Variants in HMCN2 observed in about 807,000 individuals in gnomAD.
The protein encoded by HMCN2 is hemicentin 2.
HMCN2 carries 325 observed loss-of-function variants against 377.5 expected under a neutral mutation model. The ratio of observed to expected loss-of-function variants is 0.86; its 90% CI spans 0.79 to 0.94. The LOEUF is 0.94. Among genes scored for constraint, HMCN2 ranks in the 40% least tolerant of loss-of-function variants. The pLI, the probability that HMCN2 is intolerant of heterozygous loss-of-function variation, is 0.00. For missense variants in HMCN2, 4,543 were observed against 4,725.3 expected (o/e 0.96, Z 1.13); for synonymous variants, 2,007 against 2,046.8 (o/e 0.98, Z 0.53).
At chr9:130,286,968 G>A (rs1450298581) in intron 4 of HMCN2, among the ~76,000 whole-genome samples, 5 of 152,100 alleles carry the variant, frequency 3.3e-5, no homozygotes, top group African/African-American at 7.2e-5. Flanking sequence ...ACTCCCGTCC[G>A]CTCCCAGGAG....
At chr9:130,372,719 A>G (rs1841092122) in intron 47 of HMCN2, among the ~76,000 whole-genome samples, 1 of 152,238 alleles carries the variant, frequency 6.6e-6, no homozygotes, top group Non-Finnish European at 1.5e-5. Flanking sequence ...CCAGGTGACA[A>G]GAAACCTCTG....
chr9:130,394,288 G>A lies in HMCN2; in HGVS notation c.10502-97G>A. The A allele has an allele frequency of 1.3e-6, 1 of 788,766 alleles. No homozygotes were observed. Among genetic ancestry groups the A allele is most frequent in the Non-Finnish European group, 1.8e-6 (1 of 564,590 alleles). The allele number at this position is 788,766 out of a possible 1,614,324, so 48.9% of individuals were successfully genotyped here. On this transcript the variant is annotated intron_variant, in intron 68 of 97. Coordinates refer to ENST00000683500, the MANE Select transcript of HMCN2 (RefSeq NM_001291815.2). This position sits in a 1 kb window ranked among gnomAD's most constrained non-coding sequence, Gnocchi z 5.1. ...GCAAGAACAAGGGCCACCAAAATGT[G>A]GGAGCAGAGCCCCTGGACTCAGCAC...
intron 74 of HMCN2, among the ~76,000 whole-genome samples, chr9:130,397,860 C>A (rs1040314593): frequency 1.3e-5 from 2 of 151,904 alleles, no homozygotes; most frequent in Admixed American, 6.6e-5. Context: ...AACAGAACAG[C>A]GATTCGATTA....
chr9:130,390,019 C>T (rs1315414381), intron 62 of HMCN2, among the ~76,000 whole-genome samples: 5 of 152,232 alleles, frequency 3.3e-5, no homozygotes, highest in Non-Finnish European at 7.3e-5. Context: ...GGCTGAGATG[C>T]TCAGTGCTGC....
intron 77 of HMCN2, among the ~76,000 whole-genome samples, chr9:130,401,815 T>C (rs963691907): frequency 6.6e-6 from 1 of 151,988 alleles, no homozygotes; most frequent in African/African-American, 2.4e-5. Context: ...GACTCACGCC[T>C]GTAATTCCAG....
chr9:130,345,122 GGT>G (rs1251572200), intron 25 of HMCN2, among the ~76,000 whole-genome samples: 2 of 146,272 alleles, frequency 1.4e-5, no homozygotes, highest in Non-Finnish European at 3.0e-5. Flanking sequence ...TATTGTGTGT[GGT>G]GTGTGGTGTG....
rs555186455 is a variant in HMCN2 at position 130,429,935 on chromosome 9, C to G, written c.14326+250C>G. ...CCTCAGCCTGACCCTGTGGGGTCATCTTCCGGGGAATTTCAGGAGGGGGAG... is the reference window on the plus strand; with the variant it reads ...CCTCAGCCTGACCCTGTGGGGTCATGTTCCGGGGAATTTCAGGAGGGGGAG... On this transcript the variant is annotated intron_variant, in intron 94 of 97. Transcript: ENST00000683500. 1.6e-5 allele frequency: 11 copies of G among 681,864 alleles called. No individual in the cohort carries two copies. The South Asian group carries it at 2.3e-4, about 15-fold the overall frequency. The allele number at this position is 681,864 out of a possible 1,614,324, so 42.2% of individuals were successfully genotyped here.
Position 130,384,693 on chromosome 9 carries a change from A to G in HMCN2, c.9001A>G (p.Thr3001Ala). Residue 3001 changes from threonine (T) to alanine (A), a missense_variant, in exon 59 of 98, where the codon ACG (threonine) becomes GCG (alanine). By Grantham distance (58) the Thr-to-Ala change is moderately conservative. Coordinates refer to ENST00000683500, the MANE Select transcript of HMCN2 (RefSeq NM_001291815.2). The part of the protein sequence containing the change: ...EEVFLLPGTH[T>A]LQLGRARLSD... ...CTGGCTTCCCCCGGCAGGCACCCACACGCTGCAGCTGGGGAGAGCACGGCT... is the reference window on the plus strand; with the variant it reads ...CTGGCTTCCCCCGGCAGGCACCCACGCGCTGCAGCTGGGGAGAGCACGGCT... 1 of 1,302,554 alleles carries G rather than the reference A, an allele frequency of 7.7e-7. No individual in the cohort carries two copies. Among genetic ancestry groups the G allele is most frequent in the Non-Finnish European group, 1.0e-6 (1 of 988,896 alleles). The allele number at this position is 1,302,554 out of a possible 1,614,324, so 80.7% of individuals were successfully genotyped here.
At chr9:130,291,113 A>G (rs1358046372) in intron 4 of HMCN2, among the ~76,000 whole-genome samples, 18 of 152,162 alleles carry the variant, frequency 1.2e-4, no homozygotes, top group African/African-American at 4.3e-4. Context: ...GCTTTCCAGG[A>G]AGCGTTTCCC....
At chr9:130,431,011 GGGGGGT>G in intron 95 of HMCN2, 1 of 419,798 alleles carries the variant, frequency 2.4e-6, no homozygotes, top group Non-Finnish European at 4.3e-6. Flanking sequence ...GCTGGGTAGA[GGGGGGT>G]GGGGGTGGGG....
chr9:130,404,945 G>A lies in HMCN2; in HGVS notation c.12225G>A (p.Ala4075=), dbSNP rs1457907332. Reference sequence around the variant, plus strand: ...CCCACGCCTTCTTGCCTTGCAAGGCGAGGGGCAGTCCTGAGCCCAACATCA... The same window carrying A: ...CCCACGCCTTCTTGCCTTGCAAGGCAAGGGGCAGTCCTGAGCCCAACATCA... ...EGSHAFLPCK[A]RGSPEPNITW... The change falls in exon 81 of 98, where the codon GCG becomes GCA. Residue 4075 remains alanine, a synonymous_variant. Coordinates refer to ENST00000683500, the MANE Select transcript of HMCN2 (RefSeq NM_001291815.2). 1.9e-5 allele frequency: 25 copies of A among 1,288,970 alleles called. No individual in the cohort carries two copies. The highest frequency in any genetic ancestry group is 5.0e-5 in the South Asian group (4 of 80,764). The allele number at this position is 1,288,970 out of a possible 1,614,324, so 79.8% of individuals were successfully genotyped here.
intron 1 of HMCN2, among the ~76,000 whole-genome samples, chr9:130,276,640 A>G (rs1003650734): frequency 2.0e-5 from 3 of 152,072 alleles, no homozygotes; most frequent in African/African-American, 7.2e-5. Flanking sequence ...AAGGTTCTGG[A>G]GCCATTTTGG....
chr9:130,418,810 G>C lies in HMCN2; in HGVS notation c.13000G>C (p.Val4334Leu), dbSNP rs1164308513. ...CCAGGTGGAGCCCCAGGACATGACA[G>C]TGAGATCTGGGGATGACGTGGCCCT... ...VFQVEPQDMT[V>L]RSGDDVALRC... Residue 4334 changes from valine to leucine, a missense_variant, in exon 86 of 98, where the codon GTG becomes CTG. By Grantham distance (32) the Val-to-Leu change is conservative (BLOSUM62 1). Transcript: ENST00000683500. 2.7e-6 allele frequency: 4 copies of C among 1,501,552 alleles called. No individual in the cohort carries two copies. The allele number at this position is 1,501,552 out of a possible 1,614,324, so 93.0% of individuals were successfully genotyped here.
chr9:130,403,097 C>G, intron 78 of HMCN2, 97 bp from the exon 79 acceptor site: 2 of 1,176,042 alleles, frequency 1.7e-6, no homozygotes, highest in Non-Finnish European at 2.2e-6. Context: ...CCCCCGTTCT[C>G]CTTAGAGGCC....
At chr9:130,359,967 C>T (rs182871346) in intron 37 of HMCN2, among the ~76,000 whole-genome samples, 324 of 152,268 alleles carry the variant, frequency 2.1e-3, no homozygotes, top group Admixed American at 6.1e-3. Context: ...TGCAGATACA[C>T]GCGGTCCAGC....
rs1041800628 is a variant in HMCN2 at position 130,361,935 on chromosome 9, GC to G, written c.5951-70del. On this transcript the variant is annotated intron_variant, in intron 38 of 97. Coordinates refer to ENST00000683500, the MANE Select transcript of HMCN2 (RefSeq NM_001291815.2). This position sits in a 1 kb window ranked among gnomAD's most constrained non-coding sequence, Gnocchi z 4.8. ...TGTGGCTGTGTGCTCCTGCAGGGGT[GC>G]CCAGCCAGGGGCCCTGCCTGCTTTG... The G allele has an allele frequency of 9.6e-6, 9 of 940,990 alleles. No individual in the cohort carries two copies. The African/African-American group carries it at 1.4e-4, about 15-fold the overall frequency. The allele number at this position is 940,990 out of a possible 1,614,324, so 58.3% of individuals were successfully genotyped here.
In HMCN2 at chr9:130,384,375, C is replaced by G; in HGVS notation, c.8833C>G (p.Pro2945Ala). ...EKLFTLRVQVPPRIAGLDLEQ... is the reference protein window; with the variant it reads ...EKLFTLRVQVAPRIAGLDLEQ... ...TACCGTGGTGGCTGTGGGGATAGTC[C>G]CGCCACGAATCGCAGGCCTGGACTT... The change falls in exon 58 of 98, where the codon CCG becomes GCG. Residue 2945 changes from proline to alanine, a missense_variant and splice_region_variant. Coordinates refer to ENST00000683500, the MANE Select transcript of HMCN2 (RefSeq NM_001291815.2). 1 of 1,296,448 alleles carries G rather than the reference C, an allele frequency of 7.7e-7. No individual in the cohort carries two copies. The highest frequency in any genetic ancestry group is 1.0e-6 in the Non-Finnish European group (1 of 984,456). 80.3% of individuals were successfully genotyped at this position (1,296,448 alleles called of 1,614,324 possible). A position where few individuals can be genotyped will look rare whatever the true frequency, so the allele number is the denominator to read the frequency against.
chr9:130,425,704 C>T lies in HMCN2; in HGVS notation c.13659C>T (p.Tyr4553=), dbSNP rs769879255. 6.5e-5 allele frequency: 88 copies of T among 1,346,258 alleles called. No individual in the cohort carries two copies. The Admixed American group carries it at 1.5e-3, about 24-fold the overall frequency. 83.4% of individuals were successfully genotyped at this position (1,346,258 alleles called of 1,614,324 possible). The change falls in exon 90 of 98, where the codon TAC becomes TAT. Residue 4553 remains tyrosine, a synonymous_variant. Transcript: ENST00000683500. ...TCCTGCAGGACTTTGAGGAGCACTA[C>T]GTGCAAACAGGGCCTGGCCAGCTGT... ...DLQVQDFEEH[Y]VQTGPGQLFV...
chr9:130,329,759 T>C (rs1838325134), intron 22 of HMCN2, among the ~76,000 whole-genome samples: 1 of 151,676 alleles, frequency 6.6e-6, no homozygotes, highest in Admixed American at 6.6e-5. Context: ...TCACTTTTGA[T>C]TGTACTTGAA....
Sources: allele counts gnomAD v4.1 joint callset (sites outside exome capture counted in the v4.1 genomes callset), GRCh38; gene constraint gnomAD v4.1.1; non-coding constraint Gnocchi (gnomAD v3.1); transcripts MANE v1.5; gene names NCBI Gene and HGNC (gene_info 2026-07-23, HGNC 2026-07-21).